TRDN: variants seen among roughly 807,000 people sequenced by gnomAD.
TRDN encodes triadin, also known as triadin in skeletal muscle.
TRDN carries 161 observed loss-of-function variants against 149.7 expected under a neutral mutation model. That is an observed-to-expected ratio of 1.08 (90% CI 0.95 to 1.23). The LOEUF (loss-of-function observed/expected upper bound fraction) is 1.23, where lower values mean the gene tolerates loss of function less well. Among genes scored for constraint, TRDN ranks in the 50% most tolerant of loss-of-function variants. The pLI is 0.00. For synonymous variants in TRDN, 294 were observed against 250.5 expected, an observed-to-expected ratio of 1.17 and a Z score of -1.64; for missense variants, 896 against 823.5, an observed-to-expected ratio of 1.09 and a Z score of -1.08.
chr6:123,593,978 G>T (rs1783912236), intron 1 of TRDN, among the ~76,000 whole-genome samples: 1 of 152,088 alleles, frequency 6.6e-6, no homozygotes, highest in Admixed American at 6.5e-5. Context: ...TCCAGATGTA[G>T]CTGAAAACTG....
chr6:123,367,576 C>G (rs1781156729), intron 19 of TRDN, among the ~76,000 whole-genome samples: 1 of 152,182 alleles, frequency 6.6e-6, no homozygotes, highest in South Asian at 2.1e-4. Context: ...CTTCTTCGAG[C>G]TATCTCAATA....
rs1582824840 is a variant in TRDN, at chr6:123,287,890, C to A, written c.1511-8808G>T. On this transcript the variant is annotated intron_variant, in intron 24 of 40. Coordinates refer to ENST00000334268, the MANE Select transcript of TRDN (RefSeq NM_006073.4). ...GTGAGTAGCAATATAAGAGTAGACA[C>A]ACACACCCATATATGTTTATTGTAA... Among the ~76,000 whole-genome samples the A allele has an allele frequency of 1.3e-5, 2 of 152,080 alleles. 1 individual carries two copies. Among genetic ancestry groups the A allele is most frequent in the Admixed American group, 1.3e-4 (2 of 15,244 alleles).
chr6:123,433,163 AT>A (rs1774408506), intron 12 of TRDN, among the ~76,000 whole-genome samples: 1 of 15,854 alleles, frequency 6.3e-5, no homozygotes, highest in African/African-American at 9.5e-5. Flanking sequence ...TATATATATA[AT>A]ATATATATAT....
At chr6:123,464,763 G>T in intron 10 of TRDN, 143 bp downstream of exon 10, 1 of 1,406,076 alleles carries the variant, frequency 7.1e-7, no homozygotes, top group Non-Finnish European at 9.3e-7. Flanking sequence ...GCAATTTTAG[G>T]AAAAGTATAG....
At chr6:123,235,899 G>T (rs1775770192) in intron 38 of TRDN, among the ~76,000 whole-genome samples, 1 of 152,190 alleles carries the variant, frequency 6.6e-6, no homozygotes, top group Non-Finnish European at 1.5e-5. Context: ...ATATTCTGTT[G>T]TGTGGATGTA....
At chr6:123,625,000 A>T (rs1333429435) in intron 1 of TRDN, among the ~76,000 whole-genome samples, 6 of 151,986 alleles carry the variant, frequency 3.9e-5, no homozygotes, top group African/African-American at 1.5e-4. Flanking sequence ...TGGCAAGGTA[A>T]GTTGGTATCC....
intron 38 of TRDN, among the ~76,000 whole-genome samples, chr6:123,227,895 G>A (rs1775446635): frequency 6.6e-6 from 1 of 151,890 alleles, no homozygotes; most frequent in Non-Finnish European, 1.5e-5. Context: ...TCCTGCCCAA[G>A]GTCACAAAAC....
chr6:123,604,061 C>A (rs1784404358), intron 1 of TRDN, among the ~76,000 whole-genome samples: 1 of 152,184 alleles, frequency 6.6e-6, no homozygotes, highest in Admixed American at 6.6e-5. Context: ...AACTCAACTA[C>A]TGAATTTGTC....
chr6:123,521,286 G>C (rs1219566301), intron 5 of TRDN, among the ~76,000 whole-genome samples: 2 of 152,060 alleles, frequency 1.3e-5, no homozygotes, highest in African/African-American at 2.4e-5. Context: ...TTGGAAATAA[G>C]GTTTTTACAG....
At chr6:123,634,919 T>C (rs777112479) in intron 1 of TRDN, among the ~76,000 whole-genome samples, 3 of 151,988 alleles carry the variant, frequency 2.0e-5, no homozygotes, top group Non-Finnish European at 4.4e-5. Flanking sequence ...CCAGAAGGTC[T>C]TCCAAGGCCC....
intron 30 of TRDN, among the ~76,000 whole-genome samples, chr6:123,270,338 T>C (rs552730417): frequency 9.3e-4 from 142 of 152,138 alleles, no homozygotes; most frequent in Non-Finnish European, 1.3e-3. Flanking sequence ...CTAGGAATAA[T>C]TGGATCTCTC....
intron 24 of TRDN, among the ~76,000 whole-genome samples, chr6:123,288,547 C>A (rs1270289415): frequency 6.6e-6 from 1 of 151,910 alleles, no homozygotes; most frequent in South Asian, 2.1e-4. Context: ...AAAACAAACA[C>A]CTTATTTTAA....
chr6:123,465,829 G>A (rs1776769029), intron 9 of TRDN, among the ~76,000 whole-genome samples: 1 of 152,132 alleles, frequency 6.6e-6, no homozygotes, highest in Admixed American at 6.6e-5. Context: ...ATGGGCATGT[G>A]TAACTTCTAA....
At chr6:123,218,853 A>G in intron 40 of TRDN, 113 bp from the exon 41 acceptor site, 1 of 1,146,922 alleles carries the variant, frequency 8.7e-7, no homozygotes, top group Admixed American at 2.8e-5. Flanking sequence ...CAGCCTCCGT[A>G]GCTGTTGGCA....
intron 7 of TRDN, among the ~76,000 whole-genome samples, chr6:123,512,043 G>C (rs1358534988): frequency 6.8e-6 from 1 of 147,432 alleles, no homozygotes; most frequent in African/African-American, 2.5e-5. Context: ...ATGACACCAA[G>C]GGGTGAATGA....
intron 38 of TRDN, among the ~76,000 whole-genome samples, chr6:123,246,433 C>T (rs1463619189): frequency 6.6e-6 from 1 of 152,052 alleles, no homozygotes; most frequent in East Asian, 1.9e-4. Flanking sequence ...TGCAAACTAC[C>T]ATCAGAGAAT....
At chr6:123,561,093 T>C (rs1781969573) in intron 2 of TRDN, among the ~76,000 whole-genome samples, 1 of 152,142 alleles carries the variant, frequency 6.6e-6, no homozygotes, top group African/African-American at 2.4e-5. Context: ...ACTGGATGGG[T>C]AGAGGCCTTT....
intron 19 of TRDN, among the ~76,000 whole-genome samples, chr6:123,372,860 G>T (rs960725622): frequency 4.6e-5 from 7 of 152,124 alleles, no homozygotes; most frequent in Non-Finnish European, 1.0e-4. Context: ...AGAGGCACAT[G>T]CAGGGGAATG....
At chr6:123,539,682 G>A (rs73536742) in intron 4 of TRDN, among the ~76,000 whole-genome samples, 2,063 of 152,266 alleles carry the variant, frequency 0.014, 47 homozygotes, top group African/African-American at 0.047. Flanking sequence ...AGGTCAATGC[G>A]ACAGTGATAT....
Sources: allele counts gnomAD v4.1 joint callset (sites outside exome capture counted in the v4.1 genomes callset), GRCh38; gene constraint gnomAD v4.1.1; transcripts MANE v1.5; gene names NCBI Gene and HGNC (gene_info 2026-07-23, HGNC 2026-07-21).